NEGR1: variants seen among roughly 807,000 people sequenced by gnomAD.
The protein encoded by NEGR1 is IgLON family member 4.
In NEGR1, 10 loss-of-function variants were observed where a neutral mutation model predicts 40.9. That is an observed-to-expected ratio of 0.24 (90% CI 0.15 to 0.42). The LOEUF is 0.42. Ranked by LOEUF, NEGR1 falls within the 10% of genes least tolerant of loss-of-function variation. The probability of loss-of-function intolerance (pLI) is 1.00; values close to 1 mark genes in which losing one functional copy is unlikely to be tolerated. For synonymous variants in NEGR1, 185 were observed against 166.8 expected (o/e 1.11, Z -0.84); for missense variants, 352 against 438.9 (o/e 0.80, Z 1.77).
intron 6 of NEGR1, among the ~76,000 whole-genome samples, chr1:71,494,125 C>A (rs1215638138): frequency 3.3e-5 from 5 of 152,160 alleles, no homozygotes; most frequent in African/African-American, 1.2e-4. Context: ...CCTGCAGTGT[C>A]CTGCCTGATA....
At chr1:71,959,509 A>G (rs928354768) in intron 1 of NEGR1, among the ~76,000 whole-genome samples, 11 of 152,284 alleles carry the variant, frequency 7.2e-5, no homozygotes, top group African/African-American at 2.6e-4. Context: ...AAAAACATGC[A>G]TGATAAATTG....
chr1:71,588,133 T>A lies in NEGR1; in HGVS notation c.940+4684A>T, dbSNP rs192038292. Among the ~76,000 whole-genome samples, 6 of 152,250 alleles carry A rather than the reference T, an allele frequency of 3.9e-5. No homozygotes were observed. The East Asian group carries it at 1.2e-3, about 29-fold the overall frequency. ...TTCCCACTAAAGTGATAGCATACATTTGATGAATTGAACCCATAGATGGCA... is the reference window on the plus strand; with the variant it reads ...TTCCCACTAAAGTGATAGCATACATATGATGAATTGAACCCATAGATGGCA... On this transcript the variant is annotated intron_variant, in intron 6 of 6. Transcript: ENST00000357731.
chr1:72,162,018 A>T (rs1651583153), intron 1 of NEGR1, among the ~76,000 whole-genome samples: 1 of 151,720 alleles, frequency 6.6e-6, no homozygotes, highest in East Asian at 1.9e-4. Flanking sequence ...TTTTCATTCA[A>T]CCAATGCTAA....
chr1:71,823,203 AT>A (rs35710660), intron 2 of NEGR1, among the ~76,000 whole-genome samples: 17,546 of 140,468 alleles, frequency 0.12, 1,656 homozygotes, highest in African/African-American at 0.31. Flanking sequence ...TTTCTGCATC[AT>A]TTTTTTTTTT....
rs540087916 is a variant in NEGR1 at position 72,190,088 on chromosome 1, T to C, written c.176+92231A>G. ...AATATTTTAGTAACAGGGAAAAATA[T>C]TGGCATACTAGCCACGTACACATGA... On this transcript the variant is annotated intron_variant, in intron 1 of 6. Coordinates refer to ENST00000357731, the MANE Select transcript of NEGR1 (RefSeq NM_173808.3). 2.0e-5 allele frequency among the ~76,000 whole-genome samples: 3 copies of C among 151,722 alleles called. No individual in the cohort carries two copies. In the East Asian group the frequency reaches 5.8e-4, roughly 29 times the overall value.
intron 4 of NEGR1, among the ~76,000 whole-genome samples, chr1:71,611,852 C>A (rs563483581): frequency 6.6e-6 from 1 of 152,276 alleles, no homozygotes; most frequent in South Asian, 2.1e-4. Context: ...CCCTATTGCT[C>A]TAGCTGGAAA....
intron 1 of NEGR1, among the ~76,000 whole-genome samples, chr1:72,018,566 C>G (rs1402219288): frequency 2.0e-5 from 3 of 152,036 alleles, no homozygotes; most frequent in African/African-American, 7.3e-5. Flanking sequence ...TGCCGGGACA[C>G]CAGGGTAAAA....
At chr1:71,826,029 G>T (rs576308103) in intron 2 of NEGR1, among the ~76,000 whole-genome samples, 1 of 151,978 alleles carries the variant, frequency 6.6e-6, no homozygotes, top group South Asian at 2.1e-4. Context: ...CAAAGAAGAT[G>T]CATGATAGAA....
chr1:71,953,425 AGCAAAG>A (rs1374910790), intron 1 of NEGR1, among the ~76,000 whole-genome samples: 7 of 152,026 alleles, frequency 4.6e-5, no homozygotes, highest in Non-Finnish European at 8.8e-5. Flanking sequence ...TTTACAGATG[AGCAAAG>A]AAAGTCGTTT....
intron 4 of NEGR1, among the ~76,000 whole-genome samples, chr1:71,663,475 T>C (rs888972087): frequency 6.6e-6 from 1 of 152,158 alleles, no homozygotes; most frequent in African/African-American, 2.4e-5. Context: ...TATTCTTAAT[T>C]ACAAAAGAAA....
chr1:71,676,472 T>C (rs1652640752), intron 4 of NEGR1, among the ~76,000 whole-genome samples: 1 of 152,132 alleles, frequency 6.6e-6, no homozygotes, highest in South Asian at 2.1e-4. Flanking sequence ...AATGAAATGA[T>C]TGCTGTAAGA....
At chr1:71,661,480 T>A (rs894468238) in intron 4 of NEGR1, among the ~76,000 whole-genome samples, 7 of 152,178 alleles carry the variant, frequency 4.6e-5, no homozygotes, top group African/African-American at 1.7e-4. Flanking sequence ...TAAACTCTAG[T>A]AGAGATGTTT....
intron 6 of NEGR1, chr1:71,489,660 C>T (rs556537200): frequency 1.2e-4 from 18 of 151,844 alleles, no homozygotes; most frequent in African/African-American, 4.3e-4. Context: ...TCTGCTTAAA[C>T]AGAGCTTTTT....
intron 6 of NEGR1, among the ~76,000 whole-genome samples, chr1:71,557,082 C>T (rs573355022): frequency 1.2e-4 from 18 of 151,662 alleles, no homozygotes; most frequent in African/African-American, 4.3e-4. Context: ...AAGGTCTTTC[C>T]CACTACAGCC....
rs571102540 is a variant in NEGR1 at position 71,880,515 on chromosome 1, C to G, written c.409+54564G>C. ...TTGCTCTCTGTTCAAATTTAAGACA[C>G]CTTTGGTTCTGGATGAATTTTCTTT... On this transcript the variant is annotated intron_variant, in intron 2 of 6. Coordinates refer to ENST00000357731, the MANE Select transcript of NEGR1 (RefSeq NM_173808.3). 2.6e-5 allele frequency among the ~76,000 whole-genome samples: 4 copies of G among 152,060 alleles called. No individual in the cohort carries two copies. In the South Asian group the frequency reaches 6.2e-4, roughly 24 times the overall value.
intron 2 of NEGR1, among the ~76,000 whole-genome samples, chr1:71,803,227 T>G (rs1263808555): frequency 6.6e-6 from 1 of 152,112 alleles, no homozygotes; most frequent in Non-Finnish European, 1.5e-5. Flanking sequence ...CTGTCTTTCT[T>G]TCTGCATACA....
chr1:71,959,117 A>G (rs1646142496), intron 1 of NEGR1, among the ~76,000 whole-genome samples: 1 of 152,196 alleles, frequency 6.6e-6, no homozygotes, highest in Non-Finnish European at 1.5e-5. Flanking sequence ...ACAAATGACA[A>G]AAGACAACTG....
At chr1:71,412,189 G>T (rs17091179) in intron 6 of NEGR1, among the ~76,000 whole-genome samples, 4 of 151,974 alleles carry the variant, frequency 2.6e-5, no homozygotes, top group Non-Finnish European at 4.4e-5. Context: ...GACTCACACC[G>T]CTTCTTCACT....
intron 1 of NEGR1, among the ~76,000 whole-genome samples, chr1:72,155,715 T>C (rs909329484): frequency 6.6e-5 from 10 of 152,092 alleles, no homozygotes; most frequent in Admixed American, 2.0e-4. Context: ...TTTCAGAGAA[T>C]AGACCTCAGA....
Sources: allele counts gnomAD v4.1 joint callset (sites outside exome capture counted in the v4.1 genomes callset), GRCh38; gene constraint gnomAD v4.1.1; transcripts MANE v1.5; gene names NCBI Gene and HGNC (gene_info 2026-07-23, HGNC 2026-07-21).